DSE: variants seen among roughly 807,000 people sequenced by gnomAD.
DSE encodes dermatan sulfate epimerase, also known as dermatan-sulfate epimerase.
DSE carries 36 observed loss-of-function variants against 84.4 expected under a neutral mutation model. The ratio of observed to expected loss-of-function variants is 0.43; its 90% CI spans 0.33 to 0.56. The LOEUF (loss-of-function observed/expected upper bound fraction) is 0.56. Ranked by LOEUF, DSE falls within the 20% of genes least tolerant of loss-of-function variation. The pLI is 0.06. For missense variants in DSE, 862 were observed against 1,169.6 expected, an observed-to-expected ratio of 0.74 and a Z score of 3.84; for synonymous variants, 410 against 430.1, an observed-to-expected ratio of 0.95 and a Z score of 0.58.
chr6:116,278,484 G>A (rs748652875), intron 2 of DSE: 138 of 1,612,992 alleles, frequency 8.6e-5, no homozygotes, highest in Non-Finnish European at 1.1e-4. Context: ...GGTGGTAGGA[G>A]ACCTTGTGCA....
intron 2 of DSE, among the ~76,000 whole-genome samples, chr6:116,341,296 A>G (rs1039975077): frequency 2.0e-5 from 3 of 152,132 alleles, no homozygotes; most frequent in Admixed American, 6.5e-5. Flanking sequence ...AGAAGTGTCT[A>G]TTCATATCCT....
intron 1 of DSE, among the ~76,000 whole-genome samples, chr6:116,383,538 A>G (rs961593591): frequency 1.3e-5 from 2 of 152,266 alleles, no homozygotes; most frequent in Non-Finnish European, 2.9e-5. Context: ...TTAAACATTC[A>G]TGAACTTGTG....
chr6:116,325,745 A>ATCAC (rs1776578042), intron 2 of DSE, among the ~76,000 whole-genome samples: 1 of 152,144 alleles, frequency 6.6e-6, no homozygotes, highest in Non-Finnish European at 1.5e-5. Context: ...TTCCTGGCCT[A>ATCAC]TCACTATGTA....
At chr6:116,395,103 T>C (rs543800209) in intron 1 of DSE, among the ~76,000 whole-genome samples, 1 of 152,346 alleles carries the variant, frequency 6.6e-6, no homozygotes, top group African/African-American at 2.4e-5. Context: ...AGATAGTGTG[T>C]GTGTTTGTGT....
At chr6:116,406,144 C>T (rs965094595) in intron 2 of DSE, among the ~76,000 whole-genome samples, 3 of 152,176 alleles carry the variant, frequency 2.0e-5, no homozygotes, top group African/African-American at 4.8e-5. Flanking sequence ...GTCATCTCTG[C>T]GATGGGTGAC....
intron 1 of DSE, 78 bp from the exon 2 acceptor site, chr6:116,399,120 C>G (rs965996258): frequency 1.4e-5 from 16 of 1,159,408 alleles, no homozygotes; most frequent in African/African-American, 1.2e-4. Flanking sequence ...CATATGGTTT[C>G]TACCTCTTAT....
intron 2 of DSE, among the ~76,000 whole-genome samples, chr6:116,310,477 A>T (rs1775627428): frequency 6.6e-6 from 1 of 151,872 alleles, no homozygotes; most frequent in Non-Finnish European, 1.5e-5. Context: ...GTCCTTCTTG[A>T]CATCTTCCCC....
intron 2 of DSE, among the ~76,000 whole-genome samples, chr6:116,306,344 C>T (rs1249167874): frequency 6.6e-6 from 1 of 152,144 alleles, no homozygotes; most frequent in Non-Finnish European, 1.5e-5. Flanking sequence ...GGTACATACA[C>T]ATACAATTTC....
chr6:116,444,453 C>CTGAT lies in DSE; in HGVS notation c.*7111_*7112insTTGA, dbSNP rs3086012. 0.75 allele frequency: 113,016 copies of CTGAT among 151,598 alleles called. 42,593 individuals are homozygous for CTGAT. Among genetic ancestry groups the CTGAT allele is most frequent in the African/African-American group, 0.81 (33,341 of 41,354 alleles). 9.4% of individuals were successfully genotyped at this position (151,598 alleles called of 1,614,324 possible). ...ATTCAAAAAATGCTTGATGAATTGA[C>CTGAT]TGACTGCCTGAATGAATAAATAAAT... On this transcript the variant is annotated 3_prime_UTR_variant, in exon 6 of 6. Coordinates refer to ENST00000644252, the MANE Select transcript of DSE (RefSeq NM_013352.4).
intron 2 of DSE, among the ~76,000 whole-genome samples, chr6:116,285,693 T>C (rs961370392): frequency 1.3e-5 from 2 of 152,362 alleles, no homozygotes; most frequent in African/African-American, 4.8e-5. Context: ...GAATTAATTT[T>C]TGTATGCGGT....
At chr6:116,370,432 G>C (rs564557224), upstream of DSE, 3 of 986,486 alleles carry the variant, frequency 3.0e-6, no homozygotes, top group Admixed American at 6.0e-5. Context: ...GAGTAAAACC[G>C]AATTCGAGAG....
upstream of DSE, among the ~76,000 whole-genome samples, chr6:116,365,862 CTA>C (rs1325417962): frequency 2.6e-5 from 4 of 152,178 alleles, no homozygotes. Flanking sequence ...GATTTCCAAA[CTA>C]TTGCAAAAAC....
chr6:116,371,491 G>A (rs1027150030), intron 1 of DSE, among the ~76,000 whole-genome samples: 1 of 152,228 alleles, frequency 6.6e-6, no homozygotes, highest in African/African-American at 2.4e-5. Flanking sequence ...ACGGTCCTTG[G>A]GGCCTCGGCT....
At chr6:116,399,767 G>GT (rs1387119914) in intron 2 of DSE, 101 bp downstream of exon 2, 12 of 1,156,122 alleles carry the variant, frequency 1.0e-5, no homozygotes, top group Non-Finnish European at 1.5e-5. Context: ...ACCTCTTTGT[G>GT]TATGTGTGTG....
chr6:116,326,380 C>T (rs1776621532), intron 2 of DSE, among the ~76,000 whole-genome samples: 1 of 152,010 alleles, frequency 6.6e-6, no homozygotes, highest in South Asian at 2.1e-4. Context: ...TTTCAAATAT[C>T]TTAGGAGCTG....
At chr6:116,365,777 C>T (rs1251467569), upstream of DSE, among the ~76,000 whole-genome samples, 1 of 152,182 alleles carries the variant, frequency 6.6e-6, no homozygotes, top group Non-Finnish European at 1.5e-5. Flanking sequence ...CTAATATGCA[C>T]CCAGGGGTTA....
intron 2 of DSE, among the ~76,000 whole-genome samples, chr6:116,318,430 C>T (rs538615968): frequency 9.2e-4 from 140 of 152,042 alleles, no homozygotes; most frequent in African/African-American, 2.9e-3. Flanking sequence ...GGCATGAACC[C>T]GGGCCAAGCT....
At chr6:116,327,281 A>G (rs573968000) in intron 2 of DSE, among the ~76,000 whole-genome samples, 159 of 152,366 alleles carry the variant, frequency 1.0e-3, no homozygotes, top group Middle Eastern at 3.4e-3. Flanking sequence ...GAAGTGAGCC[A>G]AAGACTTTAC....
chr6:116,314,178 A>G (rs1417033088), intron 2 of DSE, among the ~76,000 whole-genome samples: 3 of 152,184 alleles, frequency 2.0e-5, no homozygotes. Flanking sequence ...CAATAAGGAT[A>G]AGAGATTTTG....
Sources: allele counts gnomAD v4.1 joint callset (sites outside exome capture counted in the v4.1 genomes callset), GRCh38; gene constraint gnomAD v4.1.1; transcripts MANE v1.5; gene names NCBI Gene and HGNC (gene_info 2026-07-23, HGNC 2026-07-21).